The following CACNB2 variants were observed in gnomAD, a reference collection of about 807,000 sequenced individuals.
CACNB2 encodes the protein calcium voltage-gated channel auxiliary subunit beta 2, also known as voltage-dependent L-type calcium channel subunit beta-2.
Under a neutral mutation model 73.3 loss-of-function variants are expected in CACNB2, and 42 were observed. The observed-to-expected ratio is 0.57, with a 90% confidence interval of 0.45 to 0.74. The LOEUF (loss-of-function observed/expected upper bound fraction) is 0.74, where lower values mean the gene tolerates loss of function less well. Ranked by LOEUF, CACNB2 falls within the 30% of genes least tolerant of loss-of-function variation. The pLI is 0.00. For synonymous variants in CACNB2, 348 were observed against 310.3 expected (o/e 1.12, Z -1.28); for missense variants, 940 against 853.0 (o/e 1.10, Z -1.27).
At chr10:18,416,681 T>C (rs748989755) in intron 3 of CACNB2, among the ~76,000 whole-genome samples, 15 of 152,168 alleles carry the variant, frequency 9.9e-5, no homozygotes, top group Non-Finnish European at 1.5e-4. Context: ...CGAAGTTTTC[T>C]TTAAATCTTC....
chr10:18,470,575 T>C (rs1431176433), intron 3 of CACNB2, among the ~76,000 whole-genome samples: 1 of 151,890 alleles, frequency 6.6e-6, no homozygotes, highest in African/African-American at 2.4e-5. Context: ...ACTATATCTC[T>C]CACCTTTCTA....
intron 4 of CACNB2, among the ~76,000 whole-genome samples, chr10:18,500,324 C>A (rs2050124755): frequency 6.6e-6 from 1 of 152,218 alleles, no homozygotes; most frequent in Non-Finnish European, 1.5e-5. Flanking sequence ...GAGAAATCAT[C>A]TGTGAACATC....
At chr10:18,149,137 A>C (rs2131021188) in intron 1 of CACNB2, among the ~76,000 whole-genome samples, 1 of 152,316 alleles carries the variant, frequency 6.6e-6, no homozygotes, top group Non-Finnish European at 1.5e-5. Flanking sequence ...GGCCTTAAAA[A>C]TACTTTCTAG....
intron 2 of CACNB2, among the ~76,000 whole-genome samples, chr10:18,320,746 G>C (rs552395927): frequency 1.8e-4 from 28 of 152,288 alleles, no homozygotes; most frequent in African/African-American, 6.7e-4. Context: ...AGTTAGAACT[G>C]CGTAACTATT....
intron 2 of CACNB2, among the ~76,000 whole-genome samples, chr10:18,298,562 A>G (rs995100128): frequency 6.6e-6 from 1 of 152,188 alleles, no homozygotes; most frequent in Non-Finnish European, 1.5e-5. Flanking sequence ...AGGTGATACA[A>G]TGTGCAATGT....
At chr10:18,403,515 G>T (rs771674149) in intron 3 of CACNB2, among the ~76,000 whole-genome samples, 1 of 152,026 alleles carries the variant, frequency 6.6e-6, no homozygotes, top group Non-Finnish European at 1.5e-5. Context: ...ACAGTTTCTC[G>T]GGCTTATATG....
intron 2 of CACNB2, among the ~76,000 whole-genome samples, chr10:18,172,049 CAGGATCTTGGCATGTTTCA>C (rs1464632213): frequency 6.6e-6 from 1 of 152,038 alleles, no homozygotes; most frequent in African/African-American, 2.4e-5. Flanking sequence ...ATTACAAAAC[CAGGATCTTGGCATGTTTCA>C]AGGGCAAAAA....
intron 2 of CACNB2, among the ~76,000 whole-genome samples, chr10:18,228,158 C>A (rs2036074774): frequency 1.3e-5 from 2 of 152,006 alleles, no homozygotes; most frequent in African/African-American, 4.8e-5. Flanking sequence ...CGCGGTGACT[C>A]ACGCCTTGTA....
At chr10:18,159,664 G>A (rs2032315332) in intron 2 of CACNB2, among the ~76,000 whole-genome samples, 1 of 152,148 alleles carries the variant, frequency 6.6e-6, no homozygotes, top group African/African-American at 2.4e-5. Context: ...GGCTTTAAAT[G>A]CAAATGATTA....
chr10:18,150,879 T>TTTTTTTTTTTTTTTTTG lies in CACNB2; in HGVS notation c.121-3_121-2insTTTTTTTTTTTTTTTGT, dbSNP rs769211879. ...TCTTTTTTTTTTTTTTTTTTTTTTT[T>TTTTTTTTTTTTTTTTTG]TAGTCATATGGAAAAGGAGCCAGAA... On this transcript the variant is annotated splice_polypyrimidine_tract_variant and splice_region_variant and intron_variant, in intron 1 of 13. Transcript: ENST00000324631. The TTTTTTTTTTTTTTTTTG allele has an allele frequency of 1.6e-4, 204 of 1,259,798 alleles. 20 individuals are homozygous for TTTTTTTTTTTTTTTTTG. Among genetic ancestry groups the TTTTTTTTTTTTTTTTTG allele is most frequent in the African/African-American group, 5.4e-4 (32 of 59,526 alleles). 78.0% of individuals were successfully genotyped at this position (1,259,798 alleles called of 1,614,324 possible). A position where few individuals can be genotyped will look rare whatever the true frequency, so the allele number is the denominator to read the frequency against.
chr10:18,215,802 C>T (rs774389112), intron 2 of CACNB2, among the ~76,000 whole-genome samples: 7 of 152,178 alleles, frequency 4.6e-5, no homozygotes, highest in Non-Finnish European at 8.8e-5. Flanking sequence ...CCACTGCCCA[C>T]TCCCAAGGCC....
intron 2 of CACNB2, among the ~76,000 whole-genome samples, chr10:18,276,782 T>C (rs2038308535): frequency 6.6e-6 from 1 of 151,940 alleles, no homozygotes; most frequent in Non-Finnish European, 1.5e-5. Flanking sequence ...TTTCGCCATG[T>C]TGGCCAGGCT....
intron 2 of CACNB2, among the ~76,000 whole-genome samples, chr10:18,398,130 A>G (rs987057361): frequency 7.2e-5 from 11 of 152,240 alleles, no homozygotes; most frequent in African/African-American, 2.7e-4. Flanking sequence ...CAGAAAGTCC[A>G]TATGTTTCCA....
intron 2 of CACNB2, among the ~76,000 whole-genome samples, chr10:18,394,777 A>T (rs1331041792): frequency 1.3e-5 from 2 of 152,226 alleles, no homozygotes; most frequent in Non-Finnish European, 2.9e-5. Flanking sequence ...TATCATTAAT[A>T]AGATGTATTA....
chr10:18,167,727 C>T (rs1051908242), intron 2 of CACNB2, among the ~76,000 whole-genome samples: 3 of 152,042 alleles, frequency 2.0e-5, no homozygotes, highest in Admixed American at 6.6e-5. Context: ...AGGGGGTAGC[C>T]GTTGGGGGGA....
At chr10:18,400,594 C>T (rs1033240580) in intron 2 of CACNB2, 5 of 1,043,372 alleles carry the variant, frequency 4.8e-6, no homozygotes, top group African/African-American at 3.5e-5. Context: ...AAAGATAAGG[C>T]TTGAACTTTG....
chr10:18,380,212 CCTT>C (rs545612172), intron 2 of CACNB2, among the ~76,000 whole-genome samples: 154 of 152,206 alleles, frequency 1.0e-3, no homozygotes, highest in African/African-American at 3.6e-3. Context: ...GTTCCTCATT[CCTT>C]CTTAAAATAT....
chr10:18,173,910 A>T (rs1305258921), intron 2 of CACNB2, among the ~76,000 whole-genome samples: 1 of 152,186 alleles, frequency 6.6e-6, no homozygotes, highest in Non-Finnish European at 1.5e-5. Context: ...CAAATTAGTA[A>T]GTTCAGGGAA....
chr10:18,315,089 T>TGG (rs1449436146), intron 2 of CACNB2, among the ~76,000 whole-genome samples: 2 of 152,130 alleles, frequency 1.3e-5, no homozygotes, highest in Admixed American at 6.5e-5. Context: ...CTCAGCACTT[T>TGG]GGGAGGCCAA....
Sources: gnomAD v4.1 joint callset for allele counts (sites outside exome capture counted in the v4.1 genomes callset) on GRCh38, gnomAD v4.1.1 for gene constraint, MANE v1.5 for transcripts, NCBI Gene and HGNC (gene_info 2026-07-23, HGNC 2026-07-21) for gene names.